The following RPS3A variants were observed in gnomAD, a reference collection of about 807,000 sequenced individuals.
RPS3A encodes small ribosomal subunit protein eS1.
A neutral mutation model predicts 26.4 loss-of-function variants in RPS3A; 1 was observed. The ratio of observed to expected loss-of-function variants is 0.04; its 90% CI spans 0.01 to 0.18. The LOEUF is 0.18. RPS3A is among the 10% of genes least tolerant of loss of function. The pLI is 1.00. For synonymous variants in RPS3A, 97 were observed against 106.1 expected (o/e 0.91, Z 0.53); for missense variants, 139 against 326.8 (o/e 0.43, Z 4.43).
Position 151,102,867 on chromosome 4 carries a change from C to T in RPS3A, c.355-4C>T. 2 of 1,607,234 alleles carry T rather than the reference C, an allele frequency of 1.2e-6. No individual in the cohort carries two copies. The highest frequency in any genetic ancestry group is 1.7e-6 in the Non-Finnish European group (2 of 1,177,098). ...TTAAATCTGACGGTATCTTTTTTCTCCAGACAATGATTGAAGCTCACGTTG... is the reference window on the plus strand; with the variant it reads ...TTAAATCTGACGGTATCTTTTTTCTTCAGACAATGATTGAAGCTCACGTTG... On this transcript the variant is annotated splice_polypyrimidine_tract_variant and splice_region_variant and intron_variant, in intron 3 of 5. Coordinates refer to ENST00000274065, the MANE Select transcript of RPS3A (RefSeq NM_001006.5).
intron 5 of RPS3A, 28 bp from the exon 6 acceptor site, chr4:151,104,444 T>TTTG (rs1472778213): frequency 1.2e-5 from 16 of 1,330,578 alleles, no homozygotes; most frequent in East Asian, 2.9e-5. Context: ...TTTTGGTTTT[T>TTTG]TTTTTTTTTT....
At chr4:151,103,237 G>A in intron 4 of RPS3A, 158 bp downstream of exon 4, 6 of 1,313,280 alleles carry the variant, frequency 4.6e-6, no homozygotes, top group Admixed American at 3.0e-5. Context: ...TAAGTACTCA[G>A]TAAATATGAT....
intron 1 of RPS3A, 169 bp downstream of exon 1, chr4:151,099,883 G>C: frequency 1.3e-6 from 1 of 759,008 alleles, no homozygotes; most frequent in Non-Finnish European, 2.3e-6. Context: ...GTTGAGTAGC[G>C]GCAGGTCGGC....
At chr4:151,099,905 G>A in intron 1 of RPS3A, 191 bp downstream of exon 1, 2 of 705,674 alleles carry the variant, frequency 2.8e-6, no homozygotes, top group Non-Finnish European at 5.1e-6. Context: ...GCCTTTCCCA[G>A]GCCTTCTGGT....
chr4:151,099,923 C>T (rs1274627091), intron 1 of RPS3A: 3 of 600,468 alleles, frequency 5.0e-6, no homozygotes, highest in East Asian at 3.5e-5. Flanking sequence ...GGTCCTTGCG[C>T]GCGTCGCGTT....
At chr4:151,102,702 T>C (rs892675751) in intron 3 of RPS3A, 169 bp from the exon 4 acceptor site, 1 of 789,704 alleles carries the variant, frequency 1.3e-6, no homozygotes, top group African/African-American at 1.8e-5. Context: ...GGGGGTAACT[T>C]GGTAAGTTCA....
chr4:151,101,231 C>T, intron 3 of RPS3A, 69 bp downstream of exon 3: 2 of 842,036 alleles, frequency 2.4e-6, no homozygotes, highest in South Asian at 4.6e-5. Context: ...GGTTTGATGA[C>T]TGGAAGGAGC....
At chr4:151,100,343 TC>T (rs774519900) in intron 1 of RPS3A, 141 bp from the exon 2 acceptor site, 3 of 596,146 alleles carry the variant, frequency 5.0e-6, no homozygotes, top group Non-Finnish European at 9.0e-6. Flanking sequence ...TTATGTTTGT[TC>T]CCCTCACCTC....
intron 3 of RPS3A, chr4:151,102,092 T>C (rs1437818720): frequency 1.9e-6 from 1 of 518,218 alleles, no homozygotes; most frequent in East Asian, 5.5e-5. Context: ...TCCCAAATGA[T>C]ACATACTGAT....
intron 4 of RPS3A, 172 bp from the exon 5 acceptor site, chr4:151,104,005 C>G: frequency 6.7e-7 from 1 of 1,500,724 alleles, no homozygotes; most frequent in Non-Finnish European, 8.9e-7. Context: ...ATCATCTATC[C>G]TTTACATGTG....
intron 3 of RPS3A, 142 bp downstream of exon 3, chr4:151,101,304 G>A: frequency 1.9e-6 from 1 of 516,228 alleles, no homozygotes. Flanking sequence ...TTAAATTTTT[G>A]TTTTCTTGCC....
rs1747264990 is a variant in RPS3A at position 151,104,302 on chromosome 4, CAT to C, written c.673+17_673+18del. 5 of 1,611,826 alleles carry C rather than the reference CAT, an allele frequency of 3.1e-6. No individual in the cohort carries two copies. The highest frequency in any genetic ancestry group is 4.2e-6 in the Non-Finnish European group (5 of 1,179,318). The stretch of plus-strand genomic sequence containing the variant: ...AAGTTTGAATGTAAGTGAGAAATCA[CAT>C]GATTCCTGTAGGGCCAAATACATTG... On this transcript the variant is annotated intron_variant, in intron 5 of 5. Transcript: ENST00000274065.
chr4:151,103,256 C>CTAT, intron 4 of RPS3A, 177 bp downstream of exon 4: 1 of 1,212,710 alleles, frequency 8.2e-7, no homozygotes, highest in South Asian at 1.6e-5. Flanking sequence ...ATTATTATTA[C>CTAT]TATTATTATT....
intron 4 of RPS3A, chr4:151,103,751 T>C (rs1014082652): frequency 1.7e-6 from 2 of 1,186,854 alleles, no homozygotes; most frequent in Non-Finnish European, 2.2e-6. Flanking sequence ...ATAAAAAATA[T>C]ACGTATATAT....
chr4:151,102,671 T>C, intron 3 of RPS3A, 200 bp from the exon 4 acceptor site: 1 of 595,768 alleles, frequency 1.7e-6, no homozygotes, highest in Non-Finnish European at 2.9e-6. Context: ...AGGACCTGGT[T>C]ATTTAATTGG....
At chr4:151,100,737 T>TTA (rs1255619173) in intron 2 of RPS3A, 149 bp downstream of exon 2, 1 of 644,002 alleles carries the variant, frequency 1.6e-6, no homozygotes, top group African/African-American at 1.8e-5. Context: ...GTGATCATTT[T>TTA]TAGTACAGCA....
At chr4:151,103,814 A>G (rs1000120214) in intron 4 of RPS3A, 3 of 1,361,246 alleles carry the variant, frequency 2.2e-6, no homozygotes, top group South Asian at 1.1e-5. Flanking sequence ...TTTCATGATT[A>G]ATGATGCACG....
chr4:151,100,417 C>T (rs764989392), intron 1 of RPS3A, 68 bp from the exon 2 acceptor site: 169 of 879,646 alleles, frequency 1.9e-4, no homozygotes, highest in Non-Finnish European at 3.0e-4. Context: ...ATGGGAAATA[C>T]CATTAACAGT....
At chr4:151,103,821 C>A (rs1378778894) in intron 4 of RPS3A, 2 of 1,365,040 alleles carry the variant, frequency 1.5e-6, no homozygotes, top group East Asian at 8.7e-5. Context: ...ATTAATGATG[C>A]ACGGGAATAA....
Sources: allele counts gnomAD v4.1 joint callset, GRCh38; gene constraint gnomAD v4.1.1; transcripts MANE v1.5; gene names NCBI Gene and HGNC (gene_info 2026-07-23, HGNC 2026-07-21).